The following PEX5L variants were observed in gnomAD, a reference collection of about 807,000 sequenced individuals.
PEX5L encodes peroxisomal biogenesis factor 5 like.
Under a neutral mutation model 84.0 loss-of-function variants are expected in PEX5L, and 30 were observed. The observed-to-expected ratio is 0.36, with a 90% CI of 0.27 to 0.48. PEX5L has a LOEUF of 0.48. Among genes scored for constraint, PEX5L ranks in the 20% least tolerant of loss-of-function variants. The pLI, the probability that PEX5L is intolerant of heterozygous loss-of-function variation, is 0.99. For synonymous variants in PEX5L, 270 were observed against 283.1 expected (o/e 0.95, Z 0.46); for missense variants, 533 against 754.6 (o/e 0.71, Z 3.44).
chr3:179,808,815 C>T (rs186715184), intron 12 of PEX5L, among the ~76,000 whole-genome samples: 1 of 152,060 alleles, frequency 6.6e-6, no homozygotes, highest in Non-Finnish European at 1.5e-5. Flanking sequence ...TGGTGGCTCA[C>T]GCCTGTAATC....
chr3:179,804,389 CATT>C (rs1720354833), intron 14 of PEX5L: 1 of 152,122 alleles, frequency 6.6e-6, no homozygotes, highest in African/African-American at 2.4e-5. Context: ...AGCTTTCCCT[CATT>C]ATACTCACAC....
At chr3:179,961,490 C>G (rs1782029947) in intron 2 of PEX5L, among the ~76,000 whole-genome samples, 1 of 152,032 alleles carries the variant, frequency 6.6e-6, no homozygotes, top group African/African-American at 2.4e-5. Context: ...AAAAGACATG[C>G]ACTGTAAAGT....
At position 179,800,369 on chromosome 3, in the gene PEX5L, G is replaced by T. The variant is rs547047149; in HGVS notation, c.*1459C>A. 1.3e-5 allele frequency: 2 copies of T among 152,270 alleles called. No homozygotes were observed. The highest frequency in any genetic ancestry group is 4.1e-4 in the South Asian group (2 of 4,826). 9.4% of individuals were successfully genotyped at this position (152,270 alleles called of 1,614,324 possible). A position where few individuals can be genotyped will look rare whatever the true frequency, so the allele number is the denominator to read the frequency against. ...TGTTAGGATTAGCTACTGTGGGGAA[G>T]GTTCTAGACGAAGGAAGGAGACCAG... On this transcript the variant is annotated 3_prime_UTR_variant, in exon 15 of 15. Transcript: ENST00000467460.
At position 180,007,292 on chromosome 3, in the gene PEX5L, A is replaced by C. The variant is rs577386396; in HGVS notation, c.21+29287T>G. Among the ~76,000 whole-genome samples the C allele has an allele frequency of 4.6e-5, 7 of 152,314 alleles. No individual in the cohort carries two copies. In the South Asian group the frequency reaches 8.3e-4, roughly 18 times the overall value. On this transcript the variant is annotated intron_variant, in intron 1 of 14. Coordinates refer to ENST00000467460, the MANE Select transcript of PEX5L (RefSeq NM_016559.3). ...TCCTTTGACTCCAGGTCTCACATCC[A>C]GGTCATGCTGATGCAAGAGGTGGGT...
chr3:179,903,925 T>C (rs557720786), intron 2 of PEX5L, among the ~76,000 whole-genome samples: 1 of 152,322 alleles, frequency 6.6e-6, no homozygotes, highest in South Asian at 2.1e-4. Context: ...CTAAACATTC[T>C]GAAAGAAGCA....
chr3:179,813,590 C>T (rs1404706686), intron 10 of PEX5L, among the ~76,000 whole-genome samples: 2 of 152,050 alleles, frequency 1.3e-5, no homozygotes, highest in African/African-American at 2.4e-5. Context: ...CCTCCGCCTC[C>T]TGGTTCAAGT....
chr3:179,815,955 A>T lies in PEX5L; in HGVS notation c.989T>A (p.Phe330Tyr), dbSNP rs1307047943. The T allele has an allele frequency of 6.2e-7, 1 of 1,614,196 alleles. No homozygotes were observed. The highest frequency in any genetic ancestry group is 1.3e-5 in the African/African-American group (1 of 75,054). The change falls in exon 10 of 15, where the codon TTT (phenylalanine) becomes TAT (tyrosine). Residue 330 changes from phenylalanine to tyrosine, a missense_variant. Transcript: ENST00000467460. ...CTTCAGCCTTTTTAAGCCTTCTTCA[A>T]ATGCTCCAGGCCAGTCCTTGAAGGG... The part of the protein sequence containing the change: ...ENPFKDWPGA[F>Y]EEGLKRLKEG...
intron 2 of PEX5L, among the ~76,000 whole-genome samples, chr3:179,951,369 A>G (rs1488900923): frequency 6.6e-6 from 1 of 152,168 alleles, no homozygotes; most frequent in East Asian, 1.9e-4. Flanking sequence ...TTCCTAGGGG[A>G]ACCCATCTCC....
At chr3:180,011,096 C>T (rs571615547) in intron 1 of PEX5L, among the ~76,000 whole-genome samples, 4 of 152,136 alleles carry the variant, frequency 2.6e-5, no homozygotes, top group Non-Finnish European at 5.9e-5. Flanking sequence ...CTTTCCCTTC[C>T]TTTCTATCAA....
chr3:179,886,988 T>C (rs921582549), intron 4 of PEX5L, among the ~76,000 whole-genome samples: 3 of 152,236 alleles, frequency 2.0e-5, no homozygotes, highest in African/African-American at 7.2e-5. Context: ...GCTGACCAAA[T>C]GAAATCAATG....
chr3:179,946,125 T>TGA (rs2109878433), intron 2 of PEX5L, among the ~76,000 whole-genome samples: 1 of 152,276 alleles, frequency 6.6e-6, no homozygotes, highest in South Asian at 2.1e-4. Context: ...CTCTGCTATG[T>TGA]GACCACCTCT....
intron 2 of PEX5L, among the ~76,000 whole-genome samples, chr3:179,920,510 G>A (rs1188733565): frequency 6.6e-6 from 1 of 152,112 alleles, no homozygotes. Context: ...GGCATTAACA[G>A]ATAACCTGTT....
intron 1 of PEX5L, among the ~76,000 whole-genome samples, chr3:180,031,759 G>A (rs1791488563): frequency 6.6e-6 from 1 of 152,214 alleles, no homozygotes; most frequent in Middle Eastern, 3.2e-3. Flanking sequence ...CAGCCTGCCA[G>A]ATGTTTTGAC....
rs1781658588 is a variant in PEX5L, at chr3:179,960,174, G to C, written c.93+11420C>G. 3.3e-5 allele frequency among the ~76,000 whole-genome samples: 5 copies of C among 152,140 alleles called. No homozygotes were observed. The South Asian group carries it at 1.0e-3, about 32-fold the overall frequency. ...TGGATTCTCCAAGGGGCCAGCCTTG[G>C]TCAGAACTATGAGGAGGTCTCCTTC... is the stretch of plus-strand genomic sequence containing the variant. On this transcript the variant is annotated intron_variant, in intron 2 of 14. Transcript: ENST00000467460.
intron 14 of PEX5L, among the ~76,000 whole-genome samples, chr3:179,806,161 A>T (rs1264828893): frequency 6.6e-6 from 1 of 152,080 alleles, no homozygotes; most frequent in Non-Finnish European, 1.5e-5. Context: ...CATAAAATAC[A>T]TATACACAAC....
At chr3:179,973,695 C>T (rs1785335702) in intron 1 of PEX5L, 6 of 985,244 alleles carry the variant, frequency 6.1e-6, no homozygotes, top group Non-Finnish European at 7.2e-6. Context: ...ACTGCAACTT[C>T]TACAAATACC....
chr3:179,921,736 C>T (rs1769490596), intron 2 of PEX5L: 1 of 152,276 alleles, frequency 6.6e-6, no homozygotes, highest in African/African-American at 2.4e-5. Flanking sequence ...CTGATATAGC[C>T]TGCAGTCCAT....
intron 7 of PEX5L, among the ~76,000 whole-genome samples, chr3:179,871,134 G>C (rs115602477): frequency 0.036 from 4,486 of 125,262 alleles, 108 homozygotes; most frequent in South Asian, 0.067. Flanking sequence ...GCTGAGTCTC[G>C]CTCTGTCACC....
intron 2 of PEX5L, among the ~76,000 whole-genome samples, chr3:179,931,372 G>A (rs1773067835): frequency 1.3e-5 from 2 of 152,286 alleles, no homozygotes; most frequent in South Asian, 2.1e-4. Flanking sequence ...GACCACAGAG[G>A]TGAAGTCAAT....
Sources: gnomAD v4.1 joint callset for allele counts (sites outside exome capture counted in the v4.1 genomes callset) on GRCh38, gnomAD v4.1.1 for gene constraint, MANE v1.5 for transcripts, NCBI Gene and HGNC (gene_info 2026-07-23, HGNC 2026-07-21) for gene names.